The following PDZRN3 variants were observed in gnomAD, a reference collection of about 807,000 sequenced individuals.
PDZRN3 encodes E3 ubiquitin-protein ligase PDZRN3.
PDZRN3 carries 38 observed loss-of-function variants against 85.7 expected under a neutral mutation model. That is an observed-to-expected ratio of 0.44 (90% confidence interval 0.34 to 0.58). The LOEUF (loss-of-function observed/expected upper bound fraction) is 0.58. PDZRN3 is among the 20% of genes least tolerant of loss of function. The pLI, the probability that PDZRN3 is intolerant of heterozygous loss-of-function variation, is 0.01. For synonymous variants in PDZRN3, 759 were observed against 638.0 expected, an observed-to-expected ratio of 1.19 and a Z score of -2.86; for missense variants, 1,629 against 1,506.4, an observed-to-expected ratio of 1.08 and a Z score of -1.35.
chr3:73,618,452 T>C (rs1268950481), intron 1 of PDZRN3, among the ~76,000 whole-genome samples: 1 of 152,190 alleles, frequency 6.6e-6, no homozygotes, highest in Admixed American at 6.5e-5. Flanking sequence ...AGAATCTAAC[T>C]TCTAGCCTTA....
chr3:73,539,421 T>C (rs977960743), intron 3 of PDZRN3, among the ~76,000 whole-genome samples: 3 of 152,158 alleles, frequency 2.0e-5, no homozygotes, highest in Admixed American at 6.5e-5. Flanking sequence ...TGGAATCGAT[T>C]TCCTCAGTGC....
chr3:73,389,490 T>C (rs1701475271), intron 7 of PDZRN3, among the ~76,000 whole-genome samples: 1 of 152,198 alleles, frequency 6.6e-6, no homozygotes, highest in African/African-American at 2.4e-5. Flanking sequence ...TTGTAAACTG[T>C]TGGCCTGACT....
intron 3 of PDZRN3, among the ~76,000 whole-genome samples, chr3:73,416,865 G>GTT (rs1231380594): frequency 1.2e-5 from 1 of 83,012 alleles, no homozygotes; most frequent in Non-Finnish European, 2.7e-5. Context: ...TTTTTTGTTT[G>GTT]TTTTTTTTTG....
At chr3:73,565,330 A>C (rs558086465) in intron 3 of PDZRN3, among the ~76,000 whole-genome samples, 69 of 151,786 alleles carry the variant, frequency 4.5e-4, no homozygotes, top group African/African-American at 1.6e-3. Flanking sequence ...GGGTTTCACT[A>C]TTTTGGCCAG....
In PDZRN3 at chr3:73,624,292, G is replaced by C; in HGVS notation, c.534C>G (p.Gly178=). Residue 178 remains glycine (G), a synonymous_variant, in exon 1 of 10, where the codon GGC becomes GGG. Coordinates refer to ENST00000263666, the MANE Select transcript of PDZRN3 (RefSeq NM_015009.3). ...CCTTCTTGAGCGCCTTGTGCAGCGC[G>C]CCCAGGCGGGCCTGGAGCGCGCCGT... ...AHNGALQARL[G]ALHKALKKEA... 3.7e-6 allele frequency: 5 copies of C among 1,367,190 alleles called. No homozygotes were observed. Among genetic ancestry groups the C allele is most frequent in the Middle Eastern group, 2.6e-4 (1 of 3,846 alleles). The allele number at this position is 1,367,190 out of a possible 1,614,324, so 84.7% of individuals were successfully genotyped here.
chr3:73,586,693 G>A (rs1702282978), intron 3 of PDZRN3, among the ~76,000 whole-genome samples: 1 of 152,166 alleles, frequency 6.6e-6, no homozygotes, highest in South Asian at 2.1e-4. Context: ...AATCCAGAGT[G>A]CAGGCAATCA....
intron 1 of PDZRN3, among the ~76,000 whole-genome samples, chr3:73,616,391 T>C (rs908052609): frequency 2.0e-5 from 3 of 152,180 alleles, no homozygotes; most frequent in African/African-American, 7.2e-5. Flanking sequence ...GAGGTTTTTC[T>C]GGCCAGTCTC....
intron 3 of PDZRN3, among the ~76,000 whole-genome samples, chr3:73,436,290 A>T (rs1173162631): frequency 2.0e-5 from 3 of 152,120 alleles, no homozygotes; most frequent in Non-Finnish European, 1.5e-5. Flanking sequence ...CTGGGTCTGA[A>T]TTTCTACCAG....
chr3:73,539,567 A>C (rs1471674184), intron 3 of PDZRN3, among the ~76,000 whole-genome samples: 1 of 152,104 alleles, frequency 6.6e-6, no homozygotes, highest in African/African-American at 2.4e-5. Flanking sequence ...CTGTATCAAG[A>C]AGCCTGTGTG....
At chr3:73,569,281 A>C (rs894464048) in intron 3 of PDZRN3, 1 of 1,263,540 alleles carries the variant, frequency 7.9e-7, no homozygotes, top group Non-Finnish European at 1.0e-6. Flanking sequence ...GTATGAAATG[A>C]AGACTGAGAT....
At chr3:73,554,349 A>G (rs1418940288) in intron 3 of PDZRN3, among the ~76,000 whole-genome samples, 1 of 102,826 alleles carries the variant, frequency 9.7e-6, no homozygotes, top group Non-Finnish European at 1.9e-5. Flanking sequence ...GATTGTTGAG[A>G]GAAGACACAC....
chr3:73,451,424 C>T (rs1455829366), intron 3 of PDZRN3, among the ~76,000 whole-genome samples: 1 of 152,134 alleles, frequency 6.6e-6, no homozygotes, highest in Non-Finnish European at 1.5e-5. Flanking sequence ...TAACTCTGAC[C>T]TGCCAGACCA....
Position 73,384,807 on chromosome 3 carries a change from C to T in PDZRN3, c.1759G>A (p.Glu587Lys). The part of the protein sequence containing the change: ...STRNDESSEQ[E>K]NNGDDATASS... ...GCGGTGGCGTCGTCGCCATTGTTCTCTTGCTCCGAGCTCTCGTCATTACGG... is the reference window on the plus strand; with the variant it reads ...GCGGTGGCGTCGTCGCCATTGTTCTTTTGCTCCGAGCTCTCGTCATTACGG... The change falls in exon 10 of 10, where the codon GAG (glutamate) becomes AAG (lysine). Residue 587 changes from glutamate (E) to lysine (K), a missense_variant. Coordinates refer to ENST00000263666, the MANE Select transcript of PDZRN3 (RefSeq NM_015009.3). 6.2e-7 allele frequency: 1 copy of T among 1,614,084 alleles called. No individual in the cohort carries two copies. The highest frequency in any genetic ancestry group is 8.5e-7 in the Non-Finnish European group (1 of 1,180,044).
chr3:73,390,654 T>TGTGAGAGAGA (rs36036904), intron 6 of PDZRN3, among the ~76,000 whole-genome samples: 4 of 139,964 alleles, frequency 2.9e-5, no homozygotes, highest in African/African-American at 1.1e-4. Context: ...TGTGTGTGTG[T>TGTGAGAGAGA]GAGAGAGAGA....
chr3:73,509,777 G>A (rs1439340876), intron 3 of PDZRN3, among the ~76,000 whole-genome samples: 1 of 152,164 alleles, frequency 6.6e-6, no homozygotes, highest in Non-Finnish European at 1.5e-5. Context: ...GCCCAAAGAC[G>A]CCTGAGTAAA....
chr3:73,452,874 T>TGTGTGTGTGTGTGTGTGTGTGTGTG (rs71126871), intron 3 of PDZRN3, among the ~76,000 whole-genome samples: 2 of 151,524 alleles, frequency 1.3e-5, no homozygotes, highest in African/African-American at 2.4e-5. Flanking sequence ...TGTGTGTGTG[T>TGTGTGTGTGTGTGTGTGTGTGTGTG]TTTAAGTCCA....
intron 3 of PDZRN3, among the ~76,000 whole-genome samples, chr3:73,546,246 A>G (rs1319401263): frequency 6.6e-6 from 1 of 152,228 alleles, no homozygotes; most frequent in East Asian, 1.9e-4. Flanking sequence ...CAGTGAGGGT[A>G]TTAAAAGGAA....
At chr3:73,480,410 C>T (rs2106903875) in intron 3 of PDZRN3, among the ~76,000 whole-genome samples, 1 of 152,306 alleles carries the variant, frequency 6.6e-6, no homozygotes, top group Non-Finnish European at 1.5e-5. Context: ...CAAGAAGTCT[C>T]AGACCTTTGG....
chr3:73,406,528 C>A lies in PDZRN3; in HGVS notation c.919-2133G>T, dbSNP rs531415233. Among the ~76,000 whole-genome samples the A allele has an allele frequency of 5.3e-5, 8 of 152,270 alleles. No individual in the cohort carries two copies. In the South Asian group the frequency reaches 1.5e-3, roughly 28 times the overall value. On this transcript the variant is annotated intron_variant, in intron 3 of 9. Coordinates refer to ENST00000263666, the MANE Select transcript of PDZRN3 (RefSeq NM_015009.3). ...GAATAAATTAATGCAACATATAGCA[C>A]CCTTAGGAGGTGTGGCTGTGGTCAA...
Sources: gnomAD v4.1 joint callset for allele counts (sites outside exome capture counted in the v4.1 genomes callset) on GRCh38, gnomAD v4.1.1 for gene constraint, MANE v1.5 for transcripts, NCBI Gene and HGNC (gene_info 2026-07-23, HGNC 2026-07-21) for gene names.